The following PISD variants were observed in gnomAD, a reference collection of about 807,000 sequenced individuals.
The protein encoded by PISD is phosphatidylserine decarboxylase proenzyme, mitochondrial.
PISD carries 31 observed loss-of-function variants against 43.5 expected under a neutral mutation model. The ratio of observed to expected loss-of-function variants is 0.71; its 90% CI spans 0.54 to 0.96. The LOEUF (loss-of-function observed/expected upper bound fraction) is 0.96. PISD is among the 40% of genes least tolerant of loss of function. The pLI is 0.00. For synonymous variants in PISD, 259 were observed against 228.7 expected, an observed-to-expected ratio of 1.13 and a Z score of -1.20; for missense variants, 523 against 548.4, an observed-to-expected ratio of 0.95 and a Z score of 0.46.
In PISD at chr22:31,619,052, C is replaced by T. The variant is rs534412537; in HGVS notation, c.*560G>A. The T allele has an allele frequency of 6.5e-4, 151 of 231,950 alleles. No individual in the cohort carries two copies. The highest frequency in any genetic ancestry group is 3.3e-3 in the African/African-American group (144 of 43,388). The allele number at this position is 231,950 out of a possible 1,614,324, so 14.4% of individuals were successfully genotyped here. ...CAGAGTCCAGGGTGATGCGTTCAGC[C>T]ACAAGCACAAAGACTGCTTTTTCTA... On this transcript the variant is annotated 3_prime_UTR_variant, in exon 8 of 8. Coordinates refer to ENST00000439502, the MANE Select transcript of PISD (RefSeq NM_001326411.2).
chr22:31,625,627 G>T, intron 3 of PISD: 1 of 1,128,696 alleles, frequency 8.9e-7, no homozygotes, highest in Non-Finnish European at 1.3e-6. Flanking sequence ...CCCAGGCCAG[G>T]CTCCTCCAGC....
intron 3 of PISD, chr22:31,623,776 G>GT (rs752730292): frequency 6.8e-6 from 11 of 1,614,184 alleles, no homozygotes; most frequent in Non-Finnish European, 9.3e-6. Flanking sequence ...CAGGAGCGCA[G>GT]TTTCAGAGCG....
intron 1 of PISD, among the ~76,000 whole-genome samples, chr22:31,656,720 C>T (rs55868468): frequency 0.055 from 8,312 of 152,028 alleles, 209 homozygotes; most frequent in Non-Finnish European, 0.065. Context: ...TCTTGTCAGC[C>T]TCTCAGATCT....
rs2072344836 is a variant in PISD at position 31,619,343 on chromosome 22, C to G, written c.*269G>C. ...CCGTCTATACAGTGTTTAAAAAGAT[C>G]CAAATGTGACTGAGATCATTCCAGC... On this transcript the variant is annotated 3_prime_UTR_variant, in exon 8 of 8. Coordinates refer to ENST00000439502, the MANE Select transcript of PISD (RefSeq NM_001326411.2). The G allele has an allele frequency of 2.0e-6, 1 of 512,752 alleles. No homozygotes were observed. Among genetic ancestry groups the G allele is most frequent in the African/African-American group, 1.9e-5 (1 of 52,350 alleles). 31.8% of individuals were successfully genotyped at this position (512,752 alleles called of 1,614,324 possible). A position where few individuals can be genotyped will look rare whatever the true frequency, so the allele number is the denominator to read the frequency against.
At chr22:31,629,403 GGT>G (rs1211356621) in intron 3 of PISD, 1 of 160,810 alleles carries the variant, frequency 6.2e-6, no homozygotes, top group African/African-American at 2.5e-5. Context: ...GCGTATAGGT[GGT>G]GTGTGCGTAG....
chr22:31,621,828 T>C lies in PISD; in HGVS notation c.379A>G (p.Asn127Asp). The change falls in exon 4 of 8, where the codon AAT becomes GAT. Residue 127 changes from asparagine to aspartate, a missense_variant. By Grantham distance (23) the Asn-to-Asp change is conservative. Transcript: ENST00000439502. The part of the protein sequence containing the change: ...RLLSRAWGRL[N>D]QVELPHWLRR... ...AGCCAGTGTGGCAGCTCCACCTGAT[T>C]GAGGCGACCCCAGGCCCGTGACAGC... is the stretch of plus-strand genomic sequence containing the variant. 1 of 1,613,008 alleles carries C rather than the reference T, an allele frequency of 6.2e-7. No individual in the cohort carries two copies. Among genetic ancestry groups the C allele is most frequent in the Non-Finnish European group, 8.5e-7 (1 of 1,180,032 alleles).
At chr22:31,621,962 A>T in intron 3 of PISD, 77 bp from the exon 4 acceptor site, 2 of 1,098,116 alleles carry the variant, frequency 1.8e-6, no homozygotes, top group South Asian at 2.6e-5. Context: ...TCATTAGCCC[A>T]GCTCTCACTT....
At chr22:31,631,397 C>G (rs1166987349) in intron 3 of PISD, among the ~76,000 whole-genome samples, 1 of 152,200 alleles carries the variant, frequency 6.6e-6, no homozygotes, top group Non-Finnish European at 1.5e-5. Flanking sequence ...AGGCTGCTCC[C>G]ACCCCAACCT....
intron 3 of PISD, among the ~76,000 whole-genome samples, chr22:31,627,749 T>C (rs907781739): frequency 6.6e-6 from 1 of 152,178 alleles, no homozygotes; most frequent in African/African-American, 2.4e-5. Context: ...CTGAATGTAT[T>C]AGAAAGACAT....
intron 3 of PISD, among the ~76,000 whole-genome samples, chr22:31,633,378 T>G (rs2073286366): frequency 6.6e-6 from 1 of 152,228 alleles, no homozygotes; most frequent in African/African-American, 2.4e-5. Flanking sequence ...CCACTGGCAT[T>G]GCTTTTTAGC....
chr22:31,633,354 C>T (rs146302304), intron 3 of PISD, among the ~76,000 whole-genome samples: 2 of 152,210 alleles, frequency 1.3e-5, no homozygotes, highest in Non-Finnish European at 2.9e-5. Flanking sequence ...ATGGCCAGCT[C>T]GGCTGCACTG....
chr22:31,644,124 T>G (rs2073815501), intron 3 of PISD, among the ~76,000 whole-genome samples: 1 of 152,106 alleles, frequency 6.6e-6, no homozygotes, highest in Middle Eastern at 3.2e-3. Flanking sequence ...TGCCTTTGGT[T>G]CTTCAAGCTG....
At chr22:31,623,976 T>C (rs1049941524) in intron 3 of PISD, 28 of 786,258 alleles carry the variant, frequency 3.6e-5, no homozygotes, top group Non-Finnish European at 4.8e-5. Context: ...TGCCTCTCCA[T>C]GGGGGTGATG....
chr22:31,631,859 T>C lies in PISD; in HGVS notation c.322-9974A>G, dbSNP rs531709969. Among the ~76,000 whole-genome samples, 4 of 152,318 alleles carry C rather than the reference T, an allele frequency of 2.6e-5. No individual in the cohort carries two copies. In the South Asian group the frequency reaches 8.3e-4, roughly 32 times the overall value. ...GCCCTAGAAGTCTCAGTCTCCTCAT[T>C]CTGAGCCACTGAACAGGATACAATT... On this transcript the variant is annotated intron_variant, in intron 3 of 7. Coordinates refer to ENST00000439502, the MANE Select transcript of PISD (RefSeq NM_001326411.2).
intron 3 of PISD, among the ~76,000 whole-genome samples, chr22:31,638,889 A>G (rs73162106): frequency 0.089 from 12,545 of 140,758 alleles, 617 homozygotes; most frequent in African/African-American, 0.16. Context: ...GCGCAGTTTC[A>G]GCTGAGGTGG....
intron 3 of PISD, among the ~76,000 whole-genome samples, chr22:31,624,905 C>G (rs1270223758): frequency 6.6e-6 from 1 of 152,184 alleles, no homozygotes; most frequent in Admixed American, 6.5e-5. Context: ...ACCCTGGCCT[C>G]CTGCGCCTAA....
intron 1 of PISD, among the ~76,000 whole-genome samples, chr22:31,652,303 G>C (rs540237879): frequency 1.3e-5 from 2 of 151,766 alleles, no homozygotes; most frequent in African/African-American, 4.8e-5. Context: ...GACTAATTTC[G>C]TATTTTTAGT....
chr22:31,628,281 G>A, intron 3 of PISD: 1 of 736,556 alleles, frequency 1.4e-6, no homozygotes, highest in Non-Finnish European at 1.7e-6. Context: ...CCACTTCCTT[G>A]GCCAGCAGTG....
chr22:31,646,774 C>T (rs546381522), intron 3 of PISD, among the ~76,000 whole-genome samples: 6 of 152,260 alleles, frequency 3.9e-5, no homozygotes, highest in South Asian at 2.1e-4. Context: ...AAACCAGCAA[C>T]GCCACAGGGA....
Sources: gnomAD v4.1 joint callset for allele counts (sites outside exome capture counted in the v4.1 genomes callset) on GRCh38, gnomAD v4.1.1 for gene constraint, MANE v1.5 for transcripts, NCBI Gene and HGNC (gene_info 2026-07-23, HGNC 2026-07-21) for gene names.